Variants in CAMKK2 observed in about 807,000 individuals in gnomAD.
CAMKK2 encodes calcium/calmodulin-dependent protein kinase kinase 2.
Under a neutral mutation model 67.2 loss-of-function variants are expected in CAMKK2, and 30 were observed. The ratio of observed to expected loss-of-function variants is 0.45; its 90% confidence interval spans 0.33 to 0.61. The LOEUF (loss-of-function observed/expected upper bound fraction) is 0.61, where lower values mean the gene tolerates loss of function less well. Among genes scored for constraint, CAMKK2 ranks in the 20% least tolerant of loss-of-function variants. The probability of loss-of-function intolerance (pLI) is 0.02; values close to 1 mark genes in which losing one functional copy is unlikely to be tolerated. For synonymous variants in CAMKK2, 322 were observed against 326.2 expected (o/e 0.99, Z 0.14); for missense variants, 643 against 802.0 (o/e 0.80, Z 2.39).
Position 121,240,670 on chromosome 12 carries a change from GCGCATGCGAGGT to G in CAMKK2, c.*17_*28del. On this transcript the variant is annotated 3_prime_UTR_variant, in exon 17 of 17. Coordinates refer to ENST00000404169, the MANE Select transcript of CAMKK2 (RefSeq NM_001270485.2). The surrounding 1 kb of genome is among the most constrained non-coding windows in gnomAD (Gnocchi z 4.4). Reference sequence around the variant, plus strand: ...AGCAGCCCCCCAGAGGCGACGCGGCGCGCATGCGAGGTCGAGCGATCCAGGCAGCTACTCGGG... The same window carrying G: ...AGCAGCCCCCCAGAGGCGACGCGGCGCGAGCGATCCAGGCAGCTACTCGGG... The G allele has an allele frequency of 6.4e-7, 1 of 1,565,066 alleles. No homozygotes were observed. Among genetic ancestry groups the G allele is most frequent in the Non-Finnish European group, 8.6e-7 (1 of 1,160,762 alleles).
rs1007378325 is a variant in CAMKK2 at position 121,274,630 on chromosome 12, G to A, written c.-59-45C>T. On this transcript the variant is annotated intron_variant, in intron 1 of 16. Coordinates refer to ENST00000404169, the MANE Select transcript of CAMKK2 (RefSeq NM_001270485.2). ...CAGCTGGCCCAGCTCCTACGGGCAG[G>A]GACAGGAAAGGATCCCCTCTCCTCC... 4.1e-6 allele frequency: 3 copies of A among 730,482 alleles called. No homozygotes were observed. In the African/African-American group the frequency reaches 5.3e-5, roughly 13 times the overall value. 45.3% of individuals were successfully genotyped at this position (730,482 alleles called of 1,614,324 possible). A position where few individuals can be genotyped will look rare whatever the true frequency, so the allele number is the denominator to read the frequency against.
rs1170690274 is a variant in CAMKK2, at chr12:121,249,995, T to C, written c.1201A>G (p.Lys401Glu). 6.2e-7 allele frequency: 1 copy of C among 1,614,048 alleles called. No homozygotes were observed. The highest frequency in any genetic ancestry group is 8.5e-7 in the Non-Finnish European group (1 of 1,179,980). ...AATTCCAGGGCCTGACTCTTGATCT[T>C]ACTGTGTAAACACATGATCCGCTCG... ...MDERIMCLHS[K>E]IKSQALEFPD... Residue 401 changes from lysine (K) to glutamate (E), a missense_variant, in exon 12 of 17, where the codon AAG becomes GAG. This residue lies in a region of CAMKK2 where 483 missense variants were observed against 625.8 expected (regional missense o/e 0.77). Coordinates refer to ENST00000404169, the MANE Select transcript of CAMKK2 (RefSeq NM_001270485.2).
At chr12:121,254,111 C>T (rs1419360670) in intron 9 of CAMKK2, among the ~76,000 whole-genome samples, 2 of 152,138 alleles carry the variant, frequency 1.3e-5, no homozygotes, top group Admixed American at 6.6e-5. Flanking sequence ...TTCACATTCA[C>T]ATTTTACATT....
chr12:121,246,327 C>T (rs911761007), intron 14 of CAMKK2, among the ~76,000 whole-genome samples: 1 of 151,770 alleles, frequency 6.6e-6, no homozygotes, highest in African/African-American at 2.4e-5. Context: ...AGGTGGATCA[C>T]CTGAGGTCAG....
At chr12:121,252,014 G>T (rs191987709) in intron 11 of CAMKK2, among the ~76,000 whole-genome samples, 28 of 152,288 alleles carry the variant, frequency 1.8e-4, no homozygotes, top group Admixed American at 7.2e-4. Flanking sequence ...CATCAGAGCA[G>T]TATCAGGCTC....
intron 1 of CAMKK2, among the ~76,000 whole-genome samples, chr12:121,292,680 T>C (rs1201281863): frequency 6.6e-6 from 1 of 151,930 alleles, no homozygotes; most frequent in African/African-American, 2.4e-5. Flanking sequence ...GGAAGAAAAA[T>C]AGCAGTAGGC....
At chr12:121,271,427 T>C (rs1222463926) in intron 2 of CAMKK2, among the ~76,000 whole-genome samples, 1 of 152,164 alleles carries the variant, frequency 6.6e-6, no homozygotes, top group African/African-American at 2.4e-5. Context: ...TCTTGACTTC[T>C]AACAACGCTG....
At chr12:121,281,172 A>G (rs1897711515) in intron 1 of CAMKK2, among the ~76,000 whole-genome samples, 1 of 152,260 alleles carries the variant, frequency 6.6e-6, no homozygotes, top group Non-Finnish European at 1.5e-5. Flanking sequence ...ATAGAAAAGA[A>G]CCTATGTGAT....
chr12:121,257,226 T>C (rs1461740242), intron 7 of CAMKK2, among the ~76,000 whole-genome samples: 1 of 151,710 alleles, frequency 6.6e-6, no homozygotes, highest in Non-Finnish European at 1.5e-5. Flanking sequence ...CCACCTACCA[T>C]GTACCCACAA....
chr12:121,277,960 C>T (rs1440140782), intron 1 of CAMKK2, among the ~76,000 whole-genome samples: 1 of 152,030 alleles, frequency 6.6e-6, no homozygotes, highest in Non-Finnish European at 1.5e-5. Context: ...GAGCAAGACT[C>T]CATCTAAAAT....
At chr12:121,255,897 C>T in intron 7 of CAMKK2, 93 bp from the exon 8 acceptor site, 1 of 1,171,832 alleles carries the variant, frequency 8.5e-7, no homozygotes, top group Non-Finnish European at 1.3e-6. Flanking sequence ...CCAGAAACAC[C>T]AAGAAAGACA....
intron 9 of CAMKK2, among the ~76,000 whole-genome samples, chr12:121,255,264 T>TTA (rs1180746884): frequency 3.6e-4 from 3 of 8,300 alleles, no homozygotes; most frequent in Non-Finnish European, 9.0e-4. Context: ...ATATATAATT[T>TTA]TATATATATA....
intron 16 of CAMKK2, 137 bp downstream of exon 16, chr12:121,244,436 C>T: frequency 1.2e-6 from 1 of 824,790 alleles, no homozygotes. Flanking sequence ...GGTCTGGAGG[C>T]CCGCGGTGAG....
chr12:121,257,044 A>G (rs1448898581), intron 7 of CAMKK2, among the ~76,000 whole-genome samples: 1 of 151,440 alleles, frequency 6.6e-6, no homozygotes, highest in Non-Finnish European at 1.5e-5. Context: ...AGCACAGTCG[A>G]TTTCAAAATC....
At chr12:121,261,110 ACTTT>A (rs1405316080) in intron 6 of CAMKK2, among the ~76,000 whole-genome samples, 1 of 151,952 alleles carries the variant, frequency 6.6e-6, no homozygotes, top group Non-Finnish European at 1.5e-5. Flanking sequence ...CAGCCACAGC[ACTTT>A]CTCTCTCTCC....
rs1294294869 is a variant in CAMKK2 at position 121,245,123 on chromosome 12, G to A, written c.1553+17C>T. On this transcript the variant is annotated intron_variant, in intron 15 of 16. Coordinates refer to ENST00000404169, the MANE Select transcript of CAMKK2 (RefSeq NM_001270485.2). The surrounding 1 kb of genome is among the most constrained non-coding windows in gnomAD (Gnocchi z 5.8). ...CAGCCACCACTCCCCCACCCAAGAA[G>A]GCAGGCGGCCACTCACGTGAGCAAG... The A allele has an allele frequency of 1.9e-6, 3 of 1,558,118 alleles. No homozygotes were observed. Among genetic ancestry groups the A allele is most frequent in the Non-Finnish European group, 2.6e-6 (3 of 1,143,210 alleles).
intron 5 of CAMKK2, 49 bp from the exon 6 acceptor site, chr12:121,263,988 C>G (rs1350445818): frequency 6.7e-7 from 1 of 1,487,660 alleles, no homozygotes; most frequent in Admixed American, 2.1e-5. Context: ...AGACTTTCCT[C>G]CGCAGAGGGC....
chr12:121,244,222 G>A (rs1025194262), intron 16 of CAMKK2: 20 of 1,359,502 alleles, frequency 1.5e-5, no homozygotes, highest in East Asian at 4.8e-5. Context: ...CTGACCATGC[G>A]GACTCGGGGG....
intron 1 of CAMKK2, among the ~76,000 whole-genome samples, chr12:121,288,904 G>A (rs1426781074): frequency 1.3e-5 from 2 of 152,110 alleles, no homozygotes; most frequent in East Asian, 1.9e-4. Flanking sequence ...GGGGGTGGGG[G>A]CACTACAGAA....
Sources: allele counts gnomAD v4.1 joint callset (sites outside exome capture counted in the v4.1 genomes callset), GRCh38; gene constraint gnomAD v4.1.1; regional missense constraint gnomAD v4.1.1; non-coding constraint Gnocchi (gnomAD v3.1); transcripts MANE v1.5; gene names NCBI Gene and HGNC (gene_info 2026-07-23, HGNC 2026-07-21).